The following UHMK1 variants were observed in gnomAD, a reference collection of about 807,000 sequenced individuals.
UHMK1 encodes the protein serine/threonine-protein kinase Kist.
In UHMK1, 18 loss-of-function variants were observed where a neutral mutation model predicts 44.0. The ratio of observed to expected loss-of-function variants is 0.41; its 90% confidence interval spans 0.28 to 0.61. The LOEUF (loss-of-function observed/expected upper bound fraction) is 0.61, where lower values mean the gene tolerates loss of function less well. Among genes scored for constraint, UHMK1 ranks in the 20% least tolerant of loss-of-function variants. UHMK1 has a pLI of 0.31. For synonymous variants in UHMK1, 231 were observed against 198.5 expected (o/e 1.16, Z -1.38); for missense variants, 463 against 522.5 (o/e 0.89, Z 1.11).
intron 6 of UHMK1, 42 bp downstream of exon 6, chr1:162,512,865 A>ATT: frequency 6.5e-7 from 1 of 1,549,916 alleles, no homozygotes; most frequent in South Asian, 1.1e-5. Flanking sequence ...TCTTTCTTAA[A>ATT]TAAGTCTAGA....
Position 162,503,814 on chromosome 1 carries a change from A to AT in UHMK1, c.816dup (p.Pro273SerfsTer15). Reference sequence around the variant, plus strand: ...CAGTAAAGCAGTGGTGAATGCCGCAATTCCAGCCTATCACCTAAGAGACCT... The same window carrying AT: ...CAGTAAAGCAGTGGTGAATGCCGCAATTTCCAGCCTATCACCTAAGAGACCT... On this transcript the variant is annotated frameshift_variant, in exon 4 of 8. Coordinates refer to ENST00000489294, the MANE Select transcript of UHMK1 (RefSeq NM_175866.5). LOFTEE classifies it high-confidence loss of function. 6.2e-7 allele frequency: 1 copy of AT among 1,614,160 alleles called. No homozygotes were observed. Among genetic ancestry groups the AT allele is most frequent in the Non-Finnish European group, 8.5e-7 (1 of 1,180,022 alleles).
chr1:162,507,838 G>A (rs764933072), intron 4 of UHMK1, among the ~76,000 whole-genome samples: 2 of 151,680 alleles, frequency 1.3e-5, no homozygotes, highest in African/African-American at 2.4e-5. Context: ...CGCCTGCTTC[G>A]GCCTCCCCAA....
chr1:162,512,742 CTGGTCA>C lies in UHMK1; in HGVS notation c.946_951del (p.Val316_Met317del), dbSNP rs764163320. ...TTTAACAGCCCCTCATATTGAAGAT[CTGGTCA>C]TGCTTCCCACTCCAGTGCTAAGACT... On this transcript the variant is annotated inframe_deletion, in exon 6 of 8. Coordinates refer to ENST00000489294, the MANE Select transcript of UHMK1 (RefSeq NM_175866.5). The C allele has an allele frequency of 3.1e-6, 5 of 1,613,954 alleles. No individual in the cohort carries two copies. The highest frequency in any genetic ancestry group is 4.2e-6 in the Non-Finnish European group (5 of 1,180,000).
chr1:162,521,737 T>C (rs917827156), intron 7 of UHMK1, among the ~76,000 whole-genome samples: 4 of 152,256 alleles, frequency 2.6e-5, no homozygotes, highest in Non-Finnish European at 5.9e-5. Context: ...CAAGTGATTC[T>C]CCTGCCTCAG....
At chr1:162,499,133 A>G (rs759474555) in intron 1 of UHMK1, among the ~76,000 whole-genome samples, 4 of 151,918 alleles carry the variant, frequency 2.6e-5, no homozygotes, top group Non-Finnish European at 4.4e-5. Context: ...AAAAGTCTTA[A>G]TCTCTTTGTT....
chr1:162,511,514 A>G (rs934141660), intron 4 of UHMK1, among the ~76,000 whole-genome samples: 5 of 152,128 alleles, frequency 3.3e-5, no homozygotes, highest in African/African-American at 1.2e-4. Context: ...TAGCAGATGT[A>G]TAGTTGGTAA....
Position 162,522,684 on chromosome 1 carries a change from C to G in UHMK1, c.*134C>G. On this transcript the variant is annotated 3_prime_UTR_variant, in exon 8 of 8. Coordinates refer to ENST00000489294, the MANE Select transcript of UHMK1 (RefSeq NM_175866.5). The stretch of plus-strand genomic sequence containing the variant: ...TTATTTAATCCTACTAATGTGCAGC[C>G]ATTGCCCAAGCAGTGACTGCGTTGC... 2 of 1,040,528 alleles carry G rather than the reference C, an allele frequency of 1.9e-6. No individual in the cohort carries two copies. The highest frequency in any genetic ancestry group is 2.7e-6 in the Non-Finnish European group (2 of 731,934). The allele number at this position is 1,040,528 out of a possible 1,614,324, so 64.5% of individuals were successfully genotyped here. A position where few individuals can be genotyped will look rare whatever the true frequency, so the allele number is the denominator to read the frequency against.
intron 1 of UHMK1, 69 bp downstream of exon 1, chr1:162,498,337 C>G (rs1333103086): frequency 1.3e-5 from 19 of 1,502,298 alleles, no homozygotes; most frequent in Non-Finnish European, 1.7e-5. Context: ...CTCTCGCTGT[C>G]TGGCGTTCCA....
chr1:162,504,914 A>T (rs1298135807), intron 4 of UHMK1, among the ~76,000 whole-genome samples: 1 of 152,110 alleles, frequency 6.6e-6, no homozygotes, highest in African/African-American at 2.4e-5. Flanking sequence ...AGCTGGAATT[A>T]CAGGTGCATG....
At chr1:162,515,779 A>G (rs1409388613) in intron 6 of UHMK1, among the ~76,000 whole-genome samples, 2 of 151,990 alleles carry the variant, frequency 1.3e-5, no homozygotes, top group Admixed American at 6.6e-5. Flanking sequence ...TCATGCCTGT[A>G]ATCCTAGCAT....
chr1:162,517,661 C>T (rs896747896), intron 6 of UHMK1, among the ~76,000 whole-genome samples: 7 of 151,958 alleles, frequency 4.6e-5, no homozygotes, highest in South Asian at 4.2e-4. Flanking sequence ...CTGAGGTGGG[C>T]GGATCACAAA....
chr1:162,518,536 G>A (rs1260709810), intron 7 of UHMK1, among the ~76,000 whole-genome samples: 1 of 151,820 alleles, frequency 6.6e-6, no homozygotes, highest in Admixed American at 6.6e-5. Context: ...ACAAAAGTTA[G>A]CCAGGCGTGG....
rs1348805901 is a variant in UHMK1 at position 162,528,723 on chromosome 1, C to T, written c.*6173C>T. ...ATTATTTACTTTGCAGACTGTAAAG[C>T]TGCCCTATCTTTTCCAGCAGAATTT... On this transcript the variant is annotated 3_prime_UTR_variant, in exon 8 of 8. Transcript: ENST00000489294. 1.3e-5 allele frequency: 2 copies of T among 152,090 alleles called. No individual in the cohort carries two copies. The highest frequency in any genetic ancestry group is 4.8e-5 in the African/African-American group (2 of 41,414). 9.4% of individuals were successfully genotyped at this position (152,090 alleles called of 1,614,324 possible).
intron 4 of UHMK1, among the ~76,000 whole-genome samples, chr1:162,509,888 A>G (rs1204920618): frequency 6.6e-6 from 1 of 151,674 alleles, no homozygotes; most frequent in African/African-American, 2.4e-5. Flanking sequence ...GAAGTGGTCC[A>G]CCCACCTCTG....
rs748953221 is a variant in UHMK1, at chr1:162,500,115, G to A, written c.429G>A (p.Leu143=). 1.2e-5 allele frequency: 19 copies of A among 1,614,030 alleles called. No individual in the cohort carries two copies. Among genetic ancestry groups the A allele is most frequent in the Non-Finnish European group, 1.6e-5 (19 of 1,180,040 alleles). ...TACAGCATTGTGCCCGAGATGTTTT[G>A]GAGGCCCTTGCTTTTCTTCATCATG... The part of the protein sequence containing the change: ...WMIQHCARDV[L]EALAFLHHEG... The change falls in exon 2 of 8, where the codon TTG becomes TTA. Residue 143 remains leucine (L), a synonymous_variant. Coordinates refer to ENST00000489294, the MANE Select transcript of UHMK1 (RefSeq NM_175866.5).
intron 7 of UHMK1, among the ~76,000 whole-genome samples, chr1:162,519,466 A>T (rs924272104): frequency 6.6e-6 from 1 of 152,208 alleles, no homozygotes; most frequent in Admixed American, 6.5e-5. Flanking sequence ...TATCAGTGAT[A>T]GTTTAAAGAA....
intron 7 of UHMK1, among the ~76,000 whole-genome samples, chr1:162,522,013 C>G (rs1249575681): frequency 6.6e-6 from 1 of 152,140 alleles, no homozygotes; most frequent in African/African-American, 2.4e-5. Flanking sequence ...AGATTATCAT[C>G]CAGGTACCAT....
chr1:162,516,610 A>G (rs16863050), intron 6 of UHMK1, among the ~76,000 whole-genome samples: 2,568 of 152,340 alleles, frequency 0.017, 64 homozygotes, highest in African/African-American at 0.059. Flanking sequence ...GCATTGAACA[A>G]AATCAACCCT....
At chr1:162,500,337 G>A in intron 2 of UHMK1, 90 bp downstream of exon 2, 1 of 1,412,218 alleles carries the variant, frequency 7.1e-7, no homozygotes, top group South Asian at 1.5e-5. Context: ...TTTAGTAGGG[G>A]CTTACAAGTC....
Sources: gnomAD v4.1 joint callset for allele counts (sites outside exome capture counted in the v4.1 genomes callset) on GRCh38, gnomAD v4.1.1 for gene constraint, MANE v1.5 for transcripts, NCBI Gene and HGNC (gene_info 2026-07-23, HGNC 2026-07-21) for gene names.